Variants in KIF21A observed in about 807,000 individuals in gnomAD.
The protein encoded by KIF21A is kinesin-like protein KIF21A.
KIF21A carries 114 observed loss-of-function variants against 202.9 expected under a neutral mutation model. The observed-to-expected ratio is 0.56, with a 90% CI of 0.48 to 0.66. KIF21A has a LOEUF of 0.66. Among genes scored for constraint, KIF21A ranks in the 30% least tolerant of loss-of-function variants. The pLI is 0.00. For synonymous variants in KIF21A, 667 were observed against 670.8 expected (o/e 0.99, Z 0.09); for missense variants, 1,677 against 1,994.9 (o/e 0.84, Z 3.04).
intron 17 of KIF21A, 60 bp downstream of exon 17, chr12:39,337,036 T>C: frequency 8.4e-7 from 1 of 1,190,792 alleles, no homozygotes; most frequent in Non-Finnish European, 1.2e-6. Context: ...CCTCCATTTA[T>C]TAAACAATCT....
chr12:39,307,212 T>C (rs1034172878), intron 34 of KIF21A, among the ~76,000 whole-genome samples: 12 of 152,172 alleles, frequency 7.9e-5, no homozygotes, highest in African/African-American at 2.7e-4. Context: ...TTAAACGATG[T>C]TGCAAGAAAT....
intron 17 of KIF21A, among the ~76,000 whole-genome samples, chr12:39,335,507 T>G (rs1946888586): frequency 6.6e-6 from 1 of 151,778 alleles, no homozygotes; most frequent in South Asian, 2.1e-4. Flanking sequence ...TGTAGATTAG[T>G]GGCTGCCAGG....
intron 1 of KIF21A, among the ~76,000 whole-genome samples, chr12:39,381,435 G>T (rs184113065): frequency 5.7e-4 from 86 of 151,820 alleles, no homozygotes; most frequent in African/African-American, 2.0e-3. Flanking sequence ...AAGGAAAAAA[G>T]ACTTGTCATT....
At chr12:39,383,007 G>A (rs1950713529) in intron 1 of KIF21A, among the ~76,000 whole-genome samples, 2 of 152,136 alleles carry the variant, frequency 1.3e-5, no homozygotes, top group African/African-American at 4.8e-5. Context: ...AGTTTAATTT[G>A]GTCTATTACT....
At chr12:39,423,818 C>T (rs1954512983) in intron 1 of KIF21A, among the ~76,000 whole-genome samples, 1 of 151,734 alleles carries the variant, frequency 6.6e-6, no homozygotes, top group Non-Finnish European at 1.5e-5. Flanking sequence ...CCCATCTCTA[C>T]TTAAAAAATA....
intron 1 of KIF21A, among the ~76,000 whole-genome samples, chr12:39,418,791 T>C (rs1953996963): frequency 6.6e-6 from 1 of 152,240 alleles, no homozygotes; most frequent in Non-Finnish European, 1.5e-5. Flanking sequence ...GTAGCATTTA[T>C]GTGATACAAT....
chr12:39,390,149 G>C (rs1323898538), intron 1 of KIF21A, among the ~76,000 whole-genome samples: 1 of 152,092 alleles, frequency 6.6e-6, no homozygotes, highest in Non-Finnish European at 1.5e-5. Context: ...AGGTTCTTAG[G>C]AAAATGAGAG....
intron 1 of KIF21A, among the ~76,000 whole-genome samples, chr12:39,390,809 T>G (rs1376387268): frequency 6.6e-6 from 1 of 152,188 alleles, no homozygotes; most frequent in African/African-American, 2.4e-5. Context: ...TCATTTTATA[T>G]GCATTATTTT....
At position 39,318,109 on chromosome 12, in the gene KIF21A, G is replaced by A. The variant is rs886049342; in HGVS notation, c.3872C>T (p.Thr1291Ile). 4 of 1,613,338 alleles carry A rather than the reference G, an allele frequency of 2.5e-6. No individual in the cohort carries two copies. The highest frequency in any genetic ancestry group is 3.3e-5 in the Admixed American group (2 of 60,014). Residue 1291 changes from threonine to isoleucine, a missense_variant, in exon 29 of 38, where the codon ACT becomes ATT. Thr to Ile is a moderately conservative substitution (Grantham distance 89). Around this residue, in one of 3 missense-constraint regions of KIF21A, gnomAD observed 705 missense variants for 791.9 expected, o/e 0.89. Coordinates refer to ENST00000361418, the MANE Select transcript of KIF21A (RefSeq NM_001173464.2). The part of the protein sequence containing the change: ...RNELNVFNRL[T>I]VSQGNTSVQQ... ...AACTGATGTGTTTCCCTGAGAAACA[G>A]TAAGACGATTAAAAACATTCAGTTC...
At chr12:39,346,355 GC>G in intron 12 of KIF21A, 110 bp downstream of exon 12, 1 of 596,972 alleles carries the variant, frequency 1.7e-6, no homozygotes, top group Non-Finnish European at 2.5e-6. Context: ...TTTAGGAGCA[GC>G]CCAGCTTATC....
At chr12:39,378,617 G>C (rs1175879809) in intron 1 of KIF21A, among the ~76,000 whole-genome samples, 1 of 152,112 alleles carries the variant, frequency 6.6e-6, no homozygotes, top group Non-Finnish European at 1.5e-5. Context: ...GGCTGTATGT[G>C]GTGGCCTATT....
At chr12:39,379,591 G>T (rs905200942) in intron 1 of KIF21A, among the ~76,000 whole-genome samples, 6 of 152,160 alleles carry the variant, frequency 3.9e-5, no homozygotes, top group African/African-American at 1.4e-4. Context: ...CGTCAAAAAT[G>T]GGCTCCCTTG....
intron 1 of KIF21A, among the ~76,000 whole-genome samples, chr12:39,384,941 C>CCTTCTCATAGCCAAGTGACACA (rs1438017342): frequency 6.6e-6 from 1 of 152,134 alleles, no homozygotes; most frequent in African/African-American, 2.4e-5. Context: ...AGCCATGTGA[C>CCTTCTCATAGCCAAGTGACACA]CTTCTCATAG....
chr12:39,409,690 C>T (rs566328096), intron 1 of KIF21A, among the ~76,000 whole-genome samples: 2 of 152,070 alleles, frequency 1.3e-5, no homozygotes, highest in South Asian at 2.1e-4. Flanking sequence ...ATGACAAAGG[C>T]GACTTTGCAG....
At chr12:39,367,322 A>G in intron 4 of KIF21A, 158 bp from the exon 5 acceptor site, 1 of 721,064 alleles carries the variant, frequency 1.4e-6, no homozygotes, top group South Asian at 1.6e-5. Context: ...TTTGAGATGG[A>G]CTTCTCAGTA....
At chr12:39,331,004 G>A (rs1483362627) in intron 22 of KIF21A, 93 bp from the exon 23 acceptor site, 2 of 1,333,402 alleles carry the variant, frequency 1.5e-6, no homozygotes, top group Non-Finnish European at 2.1e-6. Flanking sequence ...TGATATATGG[G>A]TTTTGACATC....
chr12:39,438,538 C>G (rs979030611), intron 1 of KIF21A, among the ~76,000 whole-genome samples: 2 of 152,148 alleles, frequency 1.3e-5, no homozygotes, highest in Non-Finnish European at 2.9e-5. Context: ...AGCCCCTAAG[C>G]CTGCTGAGCA....
chr12:39,390,976 T>C (rs532619498), intron 1 of KIF21A, among the ~76,000 whole-genome samples: 2 of 152,318 alleles, frequency 1.3e-5, no homozygotes, highest in South Asian at 4.1e-4. Context: ...TCACACTTCC[T>C]GCCTAGCCAC....
intron 26 of KIF21A, among the ~76,000 whole-genome samples, chr12:39,323,838 C>T (rs900724097): frequency 6.6e-5 from 10 of 152,130 alleles, no homozygotes; most frequent in Admixed American, 4.6e-4. Flanking sequence ...CGGCAGGGTG[C>T]GGTGGCTCAC....
Sources: gnomAD v4.1 joint callset for allele counts (sites outside exome capture counted in the v4.1 genomes callset) on GRCh38, gnomAD v4.1.1 for gene constraint, gnomAD v4.1.1 regional missense constraint, MANE v1.5 for transcripts, NCBI Gene and HGNC (gene_info 2026-07-23, HGNC 2026-07-21) for gene names.